The following CALCOCO1 variants were observed in gnomAD, a reference collection of about 807,000 sequenced individuals.
CALCOCO1 encodes the protein calcium-binding and coiled-coil domain-containing protein 1.
A neutral mutation model predicts 86.3 loss-of-function variants in CALCOCO1; 44 were observed. The observed-to-expected ratio is 0.51, with a 90% CI of 0.40 to 0.66. CALCOCO1 has a LOEUF of 0.66. CALCOCO1 is among the 30% of genes least tolerant of loss of function. The probability of loss-of-function intolerance (pLI) is 0.00; values close to 1 mark genes in which losing one functional copy is unlikely to be tolerated. For missense variants in CALCOCO1, 708 were observed against 851.1 expected, an observed-to-expected ratio of 0.83 and a Z score of 2.09; for synonymous variants, 297 against 327.6, an observed-to-expected ratio of 0.91 and a Z score of 1.01.
At chr12:53,714,365 TG>T in intron 11 of CALCOCO1, 124 bp from the exon 12 acceptor site, 2 of 740,850 alleles carry the variant, frequency 2.7e-6, no homozygotes. Context: ...CAGCAAAGAT[TG>T]GGGCAACTTC....
intron 3 of CALCOCO1, chr12:53,724,074 A>T: frequency 2.4e-6 from 1 of 418,196 alleles, no homozygotes. Context: ...TCCATCGCCC[A>T]GGCTGGAGTG....
intron 10 of CALCOCO1, 26 bp from the exon 11 acceptor site, chr12:53,714,719 C>G (rs1218694457): frequency 1.3e-6 from 2 of 1,561,596 alleles, no homozygotes; most frequent in Non-Finnish European, 8.8e-7. Flanking sequence ...CCAATGGAAT[C>G]TGGAGCCTAG....
intron 14 of CALCOCO1, chr12:53,712,890 C>T: frequency 6.9e-7 from 1 of 1,458,586 alleles, no homozygotes; most frequent in Non-Finnish European, 9.2e-7. Flanking sequence ...CCTCTGAGTG[C>T]ATTGATAAGA....
At chr12:53,726,707 G>GT (rs774582046) in intron 1 of CALCOCO1, among the ~76,000 whole-genome samples, 11 of 152,136 alleles carry the variant, frequency 7.2e-5, no homozygotes, top group East Asian at 3.9e-4. Context: ...AGAACAAAAA[G>GT]TTTTTTTTAA....
At chr12:53,724,323 G>A (rs556496581) in intron 3 of CALCOCO1, 5 of 388,072 alleles carry the variant, frequency 1.3e-5, no homozygotes, top group Middle Eastern at 8.3e-4. Context: ...TGTTAGAGGT[G>A]AGATTTGAAC....
chr12:53,721,170 T>TGA (rs1945856742), intron 6 of CALCOCO1, among the ~76,000 whole-genome samples: 1 of 152,272 alleles, frequency 6.6e-6, no homozygotes, highest in South Asian at 2.1e-4. Flanking sequence ...TATCTTGCAC[T>TGA]GACTTCCATC....
At position 53,715,862 on chromosome 12, in the gene CALCOCO1, G is replaced by T; in HGVS notation, c.1191C>A (p.Leu397=). ...VAEVNGRLAE[L]GLHLKEEKCQ... ...ATTTTTCTTCCTTCAAGTGCAAACC[G>T]AGCTCAGCCAGCCTGCCGTTAACTT... Residue 397 remains leucine, a synonymous_variant, in exon 9 of 15, where the codon CTC becomes CTA. Coordinates refer to ENST00000550804, the MANE Select transcript of CALCOCO1 (RefSeq NM_020898.3). The T allele has an allele frequency of 6.2e-7, 1 of 1,614,078 alleles. No homozygotes were observed.
rs200643663 is a variant in CALCOCO1, at chr12:53,716,344, T to C, written c.921A>G (p.Gln307=). The change falls in exon 8 of 15, where the codon CAA becomes CAG. Residue 307 remains glutamine (Q), a synonymous_variant. Coordinates refer to ENST00000550804, the MANE Select transcript of CALCOCO1 (RefSeq NM_020898.3). ...NLDLKEAKSW[Q]EEQSAQAQRL... ...GCTGAGCCTGAGCACTCTGCTCCTC[T>C]TGCCAGCTCTTCGCCTCCTTCAGGT... is the stretch of plus-strand genomic sequence containing the variant. The C allele has an allele frequency of 3.3e-4, 529 of 1,614,106 alleles. 1 individual carries two copies. The highest frequency in any genetic ancestry group is 9.6e-5 in the Non-Finnish European group (113 of 1,180,040).
At chr12:53,726,551 C>A (rs1442002010) in intron 1 of CALCOCO1, among the ~76,000 whole-genome samples, 1 of 152,032 alleles carries the variant, frequency 6.6e-6, no homozygotes, top group Non-Finnish European at 1.5e-5. Flanking sequence ...CAGCCATTGT[C>A]ACTAGTCATA....
Position 53,716,324 on chromosome 12 carries a change from G to A in CALCOCO1, c.941C>T (p.Ala314Val), listed in dbSNP as rs1297244821. 1 of 1,614,198 alleles carries A rather than the reference G, an allele frequency of 6.2e-7. No individual in the cohort carries two copies. The highest frequency in any genetic ancestry group is 1.7e-5 in the Admixed American group (1 of 60,024). The change falls in exon 8 of 15, where the codon GCT becomes GTT. Residue 314 changes from alanine (A) to valine (V), a missense_variant. Ala to Val is a moderately conservative substitution (Grantham distance 64). Transcript: ENST00000550804. ...KSWQEEQSAQ[A>V]QRLKDKVAQM... ...GGCCACCTTGTCTTTCAGTCGCTGA[G>A]CCTGAGCACTCTGCTCCTCTTGCCA...
chr12:53,712,360 C>T, intron 14 of CALCOCO1: 2 of 456,194 alleles, frequency 4.4e-6, no homozygotes, highest in East Asian at 3.9e-5. Context: ...AGCCCATCCC[C>T]CAGCCTCCTG....
intron 7 of CALCOCO1, among the ~76,000 whole-genome samples, chr12:53,716,624 G>C (rs1469735396): frequency 6.6e-6 from 1 of 152,164 alleles, no homozygotes; most frequent in Middle Eastern, 3.2e-3. Context: ...GAGGTATCCA[G>C]CATCGCAGCC....
In CALCOCO1 at chr12:53,725,109, C is replaced by T. The variant is rs763080449; in HGVS notation, c.134G>A (p.Ser45Asn). ...TLPPGTMPSA[S>N]DWIGIFKVEA... Reference sequence around the variant, plus strand: ...TACCTTGAAGATGCCAATCCAGTCACTGGCACTGGGCATGGTGCCTGGGGG... The same window carrying T: ...TACCTTGAAGATGCCAATCCAGTCATTGGCACTGGGCATGGTGCCTGGGGG... The change falls in exon 2 of 15, where the codon AGT (serine) becomes AAT (asparagine). Residue 45 changes from serine to asparagine, a missense_variant. By Grantham distance (46) the Ser-to-Asn change is conservative. Transcript: ENST00000550804. The T allele has an allele frequency of 3.1e-6, 5 of 1,607,588 alleles. No individual in the cohort carries two copies. Among genetic ancestry groups the T allele is most frequent in the Non-Finnish European group, 4.2e-6 (5 of 1,177,128 alleles).
rs947498901 is a variant in CALCOCO1, at chr12:53,709,227, A to C, written c.*2717T>G. 2 of 152,286 alleles carry C rather than the reference A, an allele frequency of 1.3e-5. No homozygotes were observed. The highest frequency in any genetic ancestry group is 2.9e-5 in the Non-Finnish European group (2 of 68,072). The allele number at this position is 152,286 out of a possible 1,614,324, so 9.4% of individuals were successfully genotyped here. ...TCCATTATAGAAGAGAAATAAGTAG[A>C]AAGGCTGAGTTGCCAAATACCCCTC... On this transcript the variant is annotated 3_prime_UTR_variant, in exon 15 of 15. Coordinates refer to ENST00000550804, the MANE Select transcript of CALCOCO1 (RefSeq NM_020898.3).
chr12:53,714,748 T>A, intron 10 of CALCOCO1, 55 bp from the exon 11 acceptor site: 1 of 1,334,716 alleles, frequency 7.5e-7, no homozygotes, highest in Non-Finnish European at 1.1e-6. Flanking sequence ...TCCAAGAACC[T>A]GGACTCTGGG....
rs755559708 is a variant in CALCOCO1, at chr12:53,714,586, A to G, written c.1482+12T>C. On this transcript the variant is annotated intron_variant, in intron 11 of 14. Coordinates refer to ENST00000550804, the MANE Select transcript of CALCOCO1 (RefSeq NM_020898.3). ...CTGTGGCATCCACGGGGCCTGGGTT[A>G]TGGGTGCTCACCTGTTTCTCCTCCT... 2 of 1,608,312 alleles carry G rather than the reference A, an allele frequency of 1.2e-6. No individual in the cohort carries two copies. Among genetic ancestry groups the G allele is most frequent in the Non-Finnish European group, 1.7e-6 (2 of 1,174,678 alleles).
chr12:53,722,141 G>C lies in CALCOCO1; in HGVS notation c.493C>G (p.Gln165Glu), dbSNP rs1945890995. Residue 165 changes from glutamine (Q) to glutamate (E), a missense_variant, in exon 5 of 15, where the codon CAG becomes GAG. By Grantham distance (29) the Gln-to-Glu change is conservative (BLOSUM62 2). Coordinates refer to ENST00000550804, the MANE Select transcript of CALCOCO1 (RefSeq NM_020898.3). ...TGTCCCTCCAGCTGTAGCTTCAGCT[G>C]CATCAGGTCATTCCGTTCTTGCTGG... ...ESQQERNDLM[Q>E]LKLQLEGQVT... is the part of the protein sequence containing the mutation. The C allele has an allele frequency of 6.2e-7, 1 of 1,613,598 alleles. No individual in the cohort carries two copies. Among genetic ancestry groups the C allele is most frequent in the Admixed American group, 1.7e-5 (1 of 60,006 alleles).
intron 7 of CALCOCO1, 73 bp downstream of exon 7, chr12:53,719,666 G>T: frequency 1.0e-6 from 1 of 989,342 alleles, no homozygotes; most frequent in Non-Finnish European, 1.6e-6. Context: ...ATTCCCTTTG[G>T]TGTCTGGCTC....
At chr12:53,715,727 T>A in intron 9 of CALCOCO1, 66 bp downstream of exon 9, 1 of 1,582,410 alleles carries the variant, frequency 6.3e-7, no homozygotes. Flanking sequence ...TCTGACCACA[T>A]GTAGGAGTCC....
Sources: gnomAD v4.1 joint callset for allele counts (sites outside exome capture counted in the v4.1 genomes callset) on GRCh38, gnomAD v4.1.1 for gene constraint, MANE v1.5 for transcripts, NCBI Gene and HGNC (gene_info 2026-07-23, HGNC 2026-07-21) for gene names.